The following RBBP5 variants were observed in gnomAD, a reference collection of about 807,000 sequenced individuals.
RBBP5 encodes retinoblastoma-binding protein 5.
A neutral mutation model predicts 72.2 loss-of-function variants in RBBP5; 5 were observed. The ratio of observed to expected loss-of-function variants is 0.07; its 90% CI spans 0.04 to 0.15. RBBP5 has a LOEUF of 0.15. RBBP5 is among the 10% of genes least tolerant of loss of function. The pLI, the probability that RBBP5 is intolerant of heterozygous loss-of-function variation, is 1.00. For missense variants in RBBP5, 322 were observed against 652.2 expected (o/e 0.49, Z 5.51); for synonymous variants, 209 against 237.2 (o/e 0.88, Z 1.09).
intron 4 of RBBP5, 102 bp from the exon 5 acceptor site, chr1:205,104,121 C>T: frequency 8.1e-7 from 1 of 1,227,620 alleles, no homozygotes; most frequent in Non-Finnish European, 1.1e-6. Context: ...ATCAATTCTC[C>T]CACCCAAGCA....
intron 3 of RBBP5, among the ~76,000 whole-genome samples, chr1:205,106,531 G>A (rs1368440036): frequency 2.0e-5 from 3 of 152,172 alleles, no homozygotes; most frequent in African/African-American, 7.2e-5. Context: ...CTGGGAGGCA[G>A]AAGTTGCAGT....
At chr1:205,094,745 A>G in intron 13 of RBBP5, 128 bp downstream of exon 13, 2 of 1,129,874 alleles carry the variant, frequency 1.8e-6, no homozygotes, top group Non-Finnish European at 2.5e-6. Context: ...CTTAAAATTC[A>G]GAAATTATCT....
In RBBP5 at chr1:205,121,844, G is replaced by A. The variant is rs370054429; in HGVS notation, c.19+11C>T. The A allele has an allele frequency of 1.9e-6, 3 of 1,612,142 alleles. No homozygotes were observed. In the African/African-American group the frequency reaches 4.0e-5, roughly 22 times the overall value. On this transcript the variant is annotated intron_variant, in intron 1 of 13. Transcript: ENST00000264515. ...AACGCTTCTCTAAAACGCAGCCACAGCCCTTCTCACCCAGCAACTCGAGGT... is the reference window on the plus strand; with the variant it reads ...AACGCTTCTCTAAAACGCAGCCACAACCCTTCTCACCCAGCAACTCGAGGT...
chr1:205,089,836 A>AT (rs1451858760), intron 13 of RBBP5, among the ~76,000 whole-genome samples: 1 of 151,946 alleles, frequency 6.6e-6, no homozygotes, highest in Non-Finnish European at 1.5e-5. Flanking sequence ...CCTTGCATTG[A>AT]TTTTTTATTT....
chr1:205,116,611 C>G (rs772702220), intron 1 of RBBP5, among the ~76,000 whole-genome samples: 3 of 152,174 alleles, frequency 2.0e-5, no homozygotes, highest in Non-Finnish European at 4.4e-5. Flanking sequence ...CAAGGGAGTT[C>G]AAGACCGGCC....
intron 6 of RBBP5, among the ~76,000 whole-genome samples, chr1:205,100,876 G>C (rs1474718441): frequency 6.6e-6 from 1 of 152,180 alleles, no homozygotes; most frequent in Admixed American, 6.5e-5. Flanking sequence ...TATGGTTTCA[G>C]GATGATACTG....
intron 11 of RBBP5, 62 bp downstream of exon 11, chr1:205,097,264 G>T: frequency 6.9e-7 from 1 of 1,448,176 alleles, no homozygotes; most frequent in Non-Finnish European, 9.5e-7. Flanking sequence ...AAACTGCAGA[G>T]TACTCCCCCA....
At chr1:205,101,569 A>G (rs989459351) in intron 6 of RBBP5, 31 bp downstream of exon 6, 2 of 1,511,174 alleles carry the variant, frequency 1.3e-6, no homozygotes, top group Non-Finnish European at 9.1e-7. Context: ...CACTCTTAAA[A>G]CTGTCCCTTA....
intron 13 of RBBP5, among the ~76,000 whole-genome samples, chr1:205,090,469 G>C (rs1655300468): frequency 6.6e-6 from 1 of 152,078 alleles, no homozygotes; most frequent in African/African-American, 2.4e-5. Context: ...ATAAATAAAA[G>C]TCAAACAAAA....
chr1:205,094,815 G>A, intron 13 of RBBP5, 58 bp downstream of exon 13: 1 of 1,510,704 alleles, frequency 6.6e-7, no homozygotes, highest in Non-Finnish European at 9.0e-7. Flanking sequence ...ATGAAGTCAA[G>A]GGCTACACAA....
At chr1:205,115,768 A>T in intron 2 of RBBP5, 90 bp downstream of exon 2, 4 of 1,403,348 alleles carry the variant, frequency 2.9e-6, no homozygotes, top group Non-Finnish European at 3.8e-6. Context: ...TTCTCTGTCA[A>T]AACACAAGGA....
Position 205,119,425 on chromosome 1 carries a change from CTAAG to C in RBBP5, c.19+2426_19+2429del, listed in dbSNP as rs1169515499. ...GATAAATAAAAATAAATATTCCTTC[CTAAG>C]TTTTATCCTAATGAACCTTCTGTAT... On this transcript the variant is annotated intron_variant, in intron 1 of 13. Transcript: ENST00000264515. Among the ~76,000 whole-genome samples the C allele has an allele frequency of 2.6e-5, 4 of 152,140 alleles. 1 individual carries two copies. In the East Asian group the frequency reaches 7.7e-4, roughly 29 times the overall value.
At chr1:205,110,996 G>A (rs890486462) in intron 3 of RBBP5, among the ~76,000 whole-genome samples, 3 of 152,118 alleles carry the variant, frequency 2.0e-5, no homozygotes, top group South Asian at 2.1e-4. Flanking sequence ...TCTGGGAGGC[G>A]GAGGTTGCAG....
intron 5 of RBBP5, 140 bp downstream of exon 5, chr1:205,103,717 G>T: frequency 1.0e-6 from 1 of 983,874 alleles, no homozygotes; most frequent in Non-Finnish European, 1.5e-6. Flanking sequence ...TTAAGAGATG[G>T]AAGAAAATTA....
At chr1:205,120,943 A>G (rs1254806755) in intron 1 of RBBP5, among the ~76,000 whole-genome samples, 3 of 152,234 alleles carry the variant, frequency 2.0e-5, no homozygotes, top group African/African-American at 7.2e-5. Flanking sequence ...ACATTCTGCA[A>G]TATCCTACAG....
At chr1:205,106,663 G>A (rs1212626790) in intron 3 of RBBP5, among the ~76,000 whole-genome samples, 2 of 152,146 alleles carry the variant, frequency 1.3e-5, no homozygotes, top group African/African-American at 4.8e-5. Context: ...GGTTTCAACT[G>A]AAAATCACTT....
In RBBP5 at chr1:205,114,667, C is replaced by CCATAAAACA. The variant is rs1198596416; in HGVS notation, c.218+121_218+122insTGTTTTATG. 8.4e-5 allele frequency: 81 copies of CCATAAAACA among 963,512 alleles called. 2 individuals are homozygous for CCATAAAACA. The African/African-American group carries it at 1.2e-3, about 14-fold the overall frequency. The allele number at this position is 963,512 out of a possible 1,614,324, so 59.7% of individuals were successfully genotyped here. A position where few individuals can be genotyped will look rare whatever the true frequency, so the allele number is the denominator to read the frequency against. On this transcript the variant is annotated intron_variant, in intron 3 of 13. Transcript: ENST00000264515. ...CAGGATCTACATAAACCATGATAAA[C>CCATAAAACA]TGTATTACTAATGGCTGAATATTTA... is the stretch of plus-strand genomic sequence containing the variant.
intron 3 of RBBP5, among the ~76,000 whole-genome samples, chr1:205,105,991 T>G (rs563342735): frequency 1.2e-3 from 190 of 152,298 alleles, no homozygotes; most frequent in Non-Finnish European, 2.3e-3. Context: ...CCTCCCCACC[T>G]CACTGGGGTG....
chr1:205,103,840 C>G lies in RBBP5; in HGVS notation c.522+17G>C. On this transcript the variant is annotated intron_variant, in intron 5 of 13. Transcript: ENST00000264515. ...GCCAGTGTACAAGATGCCTGATTTG[C>G]CAGCTTTTAGGCTTACCTTGCCTTT... 6.2e-7 allele frequency: 1 copy of G among 1,602,218 alleles called. No homozygotes were observed. The highest frequency in any genetic ancestry group is 8.5e-7 in the Non-Finnish European group (1 of 1,170,014).
Sources: gnomAD v4.1 joint callset for allele counts (sites outside exome capture counted in the v4.1 genomes callset) on GRCh38, gnomAD v4.1.1 for gene constraint, MANE v1.5 for transcripts, NCBI Gene and HGNC (gene_info 2026-07-23, HGNC 2026-07-21) for gene names.